PARD3B: variants seen among roughly 807,000 people sequenced by gnomAD.
PARD3B encodes partitioning defective 3 homolog B.
Under a neutral mutation model 130.2 loss-of-function variants are expected in PARD3B, and 103 were observed. The observed-to-expected ratio is 0.79, with a 90% CI of 0.67 to 0.93. The LOEUF (loss-of-function observed/expected upper bound fraction) is 0.93, where lower values mean the gene tolerates loss of function less well. Among genes scored for constraint, PARD3B ranks in the 40% least tolerant of loss-of-function variants. The pLI, the probability that PARD3B is intolerant of heterozygous loss-of-function variation, is 0.00. For synonymous variants in PARD3B, 583 were observed against 553.2 expected (o/e 1.05, Z -0.76); for missense variants, 1,609 against 1,499.2 (o/e 1.07, Z -1.21).
chr2:205,279,534 T>G (rs1401604240), intron 16 of PARD3B, among the ~76,000 whole-genome samples: 1 of 152,196 alleles, frequency 6.6e-6, no homozygotes, highest in Non-Finnish European at 1.5e-5. Context: ...AAGGGGAAGC[T>G]AAATGGATGT....
chr2:204,951,325 A>G (rs1051944695), intron 2 of PARD3B, among the ~76,000 whole-genome samples: 7 of 152,166 alleles, frequency 4.6e-5, no homozygotes, highest in East Asian at 1.9e-4. Context: ...TCTGTCAACT[A>G]TTTCATAGTA....
chr2:204,855,473 C>T (rs929809192), intron 2 of PARD3B, among the ~76,000 whole-genome samples: 102 of 150,988 alleles, frequency 6.8e-4, no homozygotes, highest in African/African-American at 2.4e-3. Flanking sequence ...ACCCAGGAGG[C>T]AGAGGTTGCA....
intron 1 of PARD3B, among the ~76,000 whole-genome samples, chr2:204,651,123 T>C (rs865942196): frequency 2.0e-5 from 3 of 152,122 alleles, no homozygotes; most frequent in Non-Finnish European, 4.4e-5. Flanking sequence ...CTCATGTCCT[T>C]CTCACATTTC....
intron 19 of PARD3B, among the ~76,000 whole-genome samples, chr2:205,406,821 C>A (rs1470638859): frequency 4.0e-5 from 6 of 151,892 alleles, no homozygotes; most frequent in Admixed American, 3.9e-4. Flanking sequence ...CAGGCACGCG[C>A]CACCATGCCC....
rs2054155034 is a variant in PARD3B at position 205,585,249 on chromosome 2, C to T, written c.3261-30207C>T. Among the ~76,000 whole-genome samples the T allele has an allele frequency of 6.6e-6, 1 of 152,138 alleles. No homozygotes were observed. The highest frequency in any genetic ancestry group is 2.4e-5 in the African/African-American group (1 of 41,422). On this transcript the variant is annotated intron_variant, in intron 22 of 22. Coordinates refer to ENST00000406610, the MANE Select transcript of PARD3B (RefSeq NM_001302769.2). The surrounding 1 kb of genome is among the most constrained non-coding windows in gnomAD (Gnocchi z 5.4). Reference sequence around the variant, plus strand: ...AGATGAAAATGTGTATGCCCTATCCCACAAAGTAAATGCTGTCTTGGGCTT... The same window carrying T: ...AGATGAAAATGTGTATGCCCTATCCTACAAAGTAAATGCTGTCTTGGGCTT...
chr2:204,708,664 A>G (rs2038295157), intron 2 of PARD3B, among the ~76,000 whole-genome samples: 1 of 152,232 alleles, frequency 6.6e-6, no homozygotes, highest in South Asian at 2.1e-4. Context: ...AGGGATTTAC[A>G]TCCTAAGTCT....
At chr2:204,644,587 G>A (rs1574608179) in intron 1 of PARD3B, among the ~76,000 whole-genome samples, 1 of 152,060 alleles carries the variant, frequency 6.6e-6, no homozygotes, top group East Asian at 1.9e-4. Context: ...TAGTTAGAGA[G>A]TTAGAATAAT....
At chr2:205,033,241 G>A (rs1697552157) in intron 3 of PARD3B, among the ~76,000 whole-genome samples, 1 of 151,904 alleles carries the variant, frequency 6.6e-6, no homozygotes. Context: ...TTCACTTCAT[G>A]GTATTTATAA....
chr2:204,722,996 T>C (rs1213275134), intron 2 of PARD3B, among the ~76,000 whole-genome samples: 2 of 152,192 alleles, frequency 1.3e-5, no homozygotes, highest in African/African-American at 4.8e-5. Flanking sequence ...TTTATAAATA[T>C]TGACACTTTT....
At chr2:205,143,291 T>A (rs1488552862) in intron 10 of PARD3B, among the ~76,000 whole-genome samples, 1 of 152,110 alleles carries the variant, frequency 6.6e-6, no homozygotes, top group East Asian at 1.9e-4. Context: ...CTTCGATGAG[T>A]CTTTCTTTTT....
In PARD3B at chr2:205,616,109, A is replaced by G; in HGVS notation, c.*296A>G. The G allele has an allele frequency of 5.4e-6, 2 of 368,238 alleles. No homozygotes were observed. The highest frequency in any genetic ancestry group is 9.8e-6 in the Non-Finnish European group (2 of 204,338). 22.8% of individuals were successfully genotyped at this position (368,238 alleles called of 1,614,324 possible). ...AGTGAGAGTGGCAACGGAACACACA[A>G]ACAACTAATTATGGAACTCTACTCT... is the stretch of plus-strand genomic sequence containing the variant. On this transcript the variant is annotated 3_prime_UTR_variant, in exon 23 of 23. Transcript: ENST00000406610.
At position 205,550,987 on chromosome 2, in the gene PARD3B, A is replaced by ATATG. The variant is rs1459584097; in HGVS notation, c.3181-2337_3181-2336insTATG. Among the ~76,000 whole-genome samples, 1 of 71,932 alleles carries ATATG rather than the reference A, an allele frequency of 1.4e-5. No individual in the cohort carries two copies. Among genetic ancestry groups the ATATG allele is most frequent in the Non-Finnish European group, 4.2e-5 (1 of 24,094 alleles). 47.2% of individuals were successfully genotyped at this position (71,932 alleles called of 152,430 possible). A position where few individuals can be genotyped will look rare whatever the true frequency, so the allele number is the denominator to read the frequency against. On this transcript the variant is annotated intron_variant, in intron 21 of 22. Transcript: ENST00000406610. This position sits in a 1 kb window ranked among gnomAD's most constrained non-coding sequence, Gnocchi z 4.5. Reference sequence around the variant, plus strand: ...TATATATATATATATACACACACACACACACACACACACACATAATCTGTT... The same window carrying ATATG: ...TATATATATATATATACACACACACATATGCACACACACACACACATAATCTGTT...
chr2:204,794,535 C>G (rs1215580433), intron 2 of PARD3B, among the ~76,000 whole-genome samples: 1 of 152,094 alleles, frequency 6.6e-6, no homozygotes, highest in African/African-American at 2.4e-5. Context: ...CAATTCCAGC[C>G]TACCAATGTG....
At chr2:204,715,621 G>T (rs1466350789) in intron 2 of PARD3B, among the ~76,000 whole-genome samples, 7 of 152,048 alleles carry the variant, frequency 4.6e-5, no homozygotes, top group South Asian at 4.1e-4. Flanking sequence ...GAAGGCTTTA[G>T]TCATATTCCT....
At chr2:205,430,906 G>A (rs763311947) in intron 19 of PARD3B, among the ~76,000 whole-genome samples, 3 of 152,182 alleles carry the variant, frequency 2.0e-5, no homozygotes, top group Non-Finnish European at 2.9e-5. Context: ...TGTTTATGGA[G>A]TATTAGATGA....
chr2:205,125,379 A>T lies in PARD3B; in HGVS notation c.1306-230A>T, dbSNP rs1008912194. Among the ~76,000 whole-genome samples, 11 of 152,290 alleles carry T rather than the reference A, an allele frequency of 7.2e-5. No individual in the cohort carries two copies. Among genetic ancestry groups the T allele is most frequent in the African/African-American group, 2.6e-4 (11 of 41,560 alleles). ...CCAGTTTCCCCCACATAAGAATGTG[A>T]TGTCTTAGGAAAAACTGCTGATATT... On this transcript the variant is annotated intron_variant, in intron 9 of 22. Coordinates refer to ENST00000406610, the MANE Select transcript of PARD3B (RefSeq NM_001302769.2). This position sits in a 1 kb window ranked among gnomAD's most constrained non-coding sequence, Gnocchi z 4.0.
At chr2:205,430,881 G>T (rs538618844) in intron 19 of PARD3B, among the ~76,000 whole-genome samples, 30 of 152,244 alleles carry the variant, frequency 2.0e-4, no homozygotes, top group African/African-American at 5.8e-4. Context: ...CATTTTTAAG[G>T]CATTTGGGAA....
At chr2:205,447,606 T>A (rs889223246) in intron 20 of PARD3B, among the ~76,000 whole-genome samples, 7 of 152,204 alleles carry the variant, frequency 4.6e-5, no homozygotes, top group Non-Finnish European at 8.8e-5. Flanking sequence ...CTTGAACTCC[T>A]GACCTCATGA....
intron 5 of PARD3B, among the ~76,000 whole-genome samples, chr2:205,107,692 TA>T (rs1703323943): frequency 6.6e-6 from 1 of 152,226 alleles, no homozygotes; most frequent in Non-Finnish European, 1.5e-5. Context: ...CCATAAATCA[TA>T]AGCAAAACTG....
Sources: gnomAD v4.1 joint callset for allele counts (sites outside exome capture counted in the v4.1 genomes callset) on GRCh38, gnomAD v4.1.1 for gene constraint, Gnocchi (gnomAD v3.1) non-coding constraint, MANE v1.5 for transcripts, NCBI Gene and HGNC (gene_info 2026-07-23, HGNC 2026-07-21) for gene names.